Variants in TNC observed in about 807,000 individuals in gnomAD.
TNC encodes tenascin.
TNC carries 109 observed loss-of-function variants against 202.4 expected under a neutral mutation model. That is an observed-to-expected ratio of 0.54 (90% CI 0.46 to 0.63). The LOEUF (loss-of-function observed/expected upper bound fraction) is 0.63, where lower values mean the gene tolerates loss of function less well. TNC is among the 30% of genes least tolerant of loss of function. The probability of loss-of-function intolerance (pLI) is 0.00; values close to 1 mark genes in which losing one functional copy is unlikely to be tolerated. For missense variants in TNC, 2,756 were observed against 2,833.3 expected (o/e 0.97, Z 0.62); for synonymous variants, 1,007 against 1,089.7 (o/e 0.92, Z 1.50).
At chr9:115,092,914 A>G (rs921663597) in intron 1 of TNC, among the ~76,000 whole-genome samples, 2 of 152,060 alleles carry the variant, frequency 1.3e-5, no homozygotes, top group African/African-American at 4.8e-5. Context: ...TGTCATTTAC[A>G]AATTGACATT....
At chr9:115,085,842 T>C (rs1588160445) in intron 3 of TNC, 22 bp downstream of exon 3, 2 of 1,583,002 alleles carry the variant, frequency 1.3e-6, no homozygotes, top group Admixed American at 1.7e-5. Flanking sequence ...CATTATATGC[T>C]GGTCTGCGCC....
intron 1 of TNC, among the ~76,000 whole-genome samples, chr9:115,104,976 G>A (rs1836502547): frequency 6.6e-6 from 1 of 152,102 alleles, no homozygotes; most frequent in African/African-American, 2.4e-5. Flanking sequence ...CAAATATTTG[G>A]CATAGCAAAA....
intron 10 of TNC, among the ~76,000 whole-genome samples, chr9:115,066,561 C>T (rs1175899972): frequency 1.3e-5 from 2 of 152,236 alleles, no homozygotes; most frequent in South Asian, 2.1e-4. Context: ...GAACATTCTT[C>T]CTGCTTGTTT....
Position 115,029,473 on chromosome 9 carries a change from G to A in TNC, c.6073-17C>T. The A allele has an allele frequency of 6.2e-7, 1 of 1,611,950 alleles. No individual in the cohort carries two copies. Among genetic ancestry groups the A allele is most frequent in the Non-Finnish European group, 8.5e-7 (1 of 1,178,048 alleles). On this transcript the variant is annotated splice_polypyrimidine_tract_variant and intron_variant, in intron 24 of 27. Coordinates refer to ENST00000350763, the MANE Select transcript of TNC (RefSeq NM_002160.4). ...CAGGAACACCTATAAACATATCGAT[G>A]AATCTGGGTGTACTTAAGCTATTGC... is the stretch of plus-strand genomic sequence containing the variant.
In TNC at chr9:115,064,824, A is replaced by G. The variant is rs1392608696; in HGVS notation, c.3310T>C (p.Phe1104Leu). The G allele has an allele frequency of 1.9e-6, 3 of 1,614,194 alleles. No homozygotes were observed. The Admixed American group carries it at 5.0e-5, about 27-fold the overall frequency. The change falls in exon 11 of 28, where the codon TTT becomes CTT. Residue 1104 changes from phenylalanine to leucine, a missense_variant. Physicochemically the swap from Phe to Leu is conservative, Grantham distance 22 (BLOSUM62 0). Around this residue, in one of 2 missense-constraint regions of TNC, gnomAD observed 2,559 missense variants for 2,546.0 expected, o/e 1.01. Transcript: ENST00000350763. ...TTGGCCTCCTGCACCTGAATGATAA[A>G]GTGCTCATAGGCCTGGTCAGCTGCG... Reference protein sequence around the residue: ...WTAADQAYEHFIIQVQEANKV... With the variant: ...WTAADQAYEHLIIQVQEANKV...
At chr9:115,022,888 C>A (rs1046138832) in intron 27 of TNC, among the ~76,000 whole-genome samples, 1 of 152,108 alleles carries the variant, frequency 6.6e-6, no homozygotes, top group Admixed American at 6.5e-5. Context: ...GTGTCATTTG[C>A]TAGCAGTTAA....
At chr9:115,102,251 C>T (rs1836292755) in intron 1 of TNC, among the ~76,000 whole-genome samples, 1 of 152,158 alleles carries the variant, frequency 6.6e-6, no homozygotes, top group Non-Finnish European at 1.5e-5. Context: ...AGCAAAGGAG[C>T]TATGAGTCAA....
In TNC at chr9:115,086,849, G is replaced by A. The variant is rs1345734140; in HGVS notation, c.882C>T (p.Cys294=). 1.2e-6 allele frequency: 2 copies of A among 1,614,004 alleles called. No homozygotes were observed. Among genetic ancestry groups the A allele is most frequent in the Non-Finnish European group, 1.7e-6 (2 of 1,180,058 alleles). Residue 294 remains cysteine (C), a synonymous_variant, in exon 3 of 28, where the codon TGC becomes TGT. Transcript: ENST00000350763. ...CLNNCYNRGR[C]VENECVCDEG... is the part of the protein sequence containing the mutation. ...CATCACACACGCACTCATTCTCCAC[G>A]CATCGTCCACGGTTGTAGCAATTGT...
chr9:115,092,027 G>A (rs76812182), intron 1 of TNC, among the ~76,000 whole-genome samples: 4,930 of 152,228 alleles, frequency 0.032, 261 homozygotes, highest in African/African-American at 0.11. Context: ...ATAAATATAA[G>A]ACCAAGTGTA....
intron 6 of TNC, among the ~76,000 whole-genome samples, chr9:115,080,336 T>C (rs1202675635): frequency 6.6e-6 from 1 of 152,142 alleles, no homozygotes; most frequent in Non-Finnish European, 1.5e-5. Context: ...TTTTTTCCTG[T>C]TGGTACCTGC....
At chr9:115,060,070 G>A in intron 13 of TNC, 68 bp from the exon 14 acceptor site, 2 of 1,445,516 alleles carry the variant, frequency 1.4e-6, no homozygotes, top group Non-Finnish European at 1.9e-6. Flanking sequence ...ACATCCCACA[G>A]CCCAACTCTA....
intron 2 of TNC, among the ~76,000 whole-genome samples, chr9:115,087,863 G>A (rs1345845380): frequency 3.3e-5 from 5 of 151,932 alleles, no homozygotes; most frequent in South Asian, 4.2e-4. Context: ...CACCATGCCC[G>A]GCTAATTTTT....
intron 1 of TNC, among the ~76,000 whole-genome samples, chr9:115,097,117 G>A (rs917419867): frequency 7.2e-5 from 11 of 152,188 alleles, no homozygotes; most frequent in Non-Finnish European, 1.0e-4. Context: ...AAGCAGTTGC[G>A]TGTGGGGGAA....
chr9:115,023,334 G>C (rs1274932673), intron 27 of TNC, among the ~76,000 whole-genome samples: 1 of 152,230 alleles, frequency 6.6e-6, no homozygotes, highest in Non-Finnish European at 1.5e-5. Context: ...GAATGTGCCA[G>C]TGTAGGCAAG....
At chr9:115,077,630 T>C (rs1363221202) in intron 7 of TNC, among the ~76,000 whole-genome samples, 1 of 152,264 alleles carries the variant, frequency 6.6e-6, no homozygotes, top group African/African-American at 2.4e-5. Flanking sequence ...ATATATGTTT[T>C]CCATATACCA....
rs374331807 is a variant in TNC at position 115,084,302 on chromosome 9, G to A, written c.2038C>T (p.Gln680Ter). ...TACTCCACACCAGGCTCCAGCTCCTGGATGATGGTGGACGTCTGGTCCCCA... is the reference window on the plus strand; with the variant it reads ...TACTCCACACCAGGCTCCAGCTCCTAGATGATGGTGGACGTCTGGTCCCCA... ...VPGDQTSTII[Q>*]ELEPGVEYFI... The change falls in exon 4 of 28, where the codon CAG becomes TAG. Residue 680 changes from glutamine (Q) to a stop codon, truncating the protein, a stop_gained. Transcript: ENST00000350763. LOFTEE classifies it high-confidence loss of function. 23 of 1,613,964 alleles carry A rather than the reference G, an allele frequency of 1.4e-5. No individual in the cohort carries two copies. The highest frequency in any genetic ancestry group is 1.7e-5 in the Non-Finnish European group (20 of 1,180,000).
intron 15 of TNC, among the ~76,000 whole-genome samples, chr9:115,054,883 G>A (rs911177415): frequency 3.3e-5 from 5 of 152,206 alleles, no homozygotes; most frequent in Non-Finnish European, 5.9e-5. Flanking sequence ...GTGACAAAAT[G>A]TGCTTGACAA....
chr9:115,061,000 A>G (rs1832501577), intron 13 of TNC, among the ~76,000 whole-genome samples: 1 of 152,142 alleles, frequency 6.6e-6, no homozygotes, highest in Non-Finnish European at 1.5e-5. Context: ...AATTTAACGT[A>G]GTTGTTATTG....
intron 27 of TNC, among the ~76,000 whole-genome samples, chr9:115,023,676 A>G (rs1050359041): frequency 2.0e-5 from 3 of 152,350 alleles, no homozygotes; most frequent in East Asian, 1.9e-4. Context: ...CTCCACTTTT[A>G]TCTGCTTTAC....
Sources: allele counts gnomAD v4.1 joint callset (sites outside exome capture counted in the v4.1 genomes callset), GRCh38; gene constraint gnomAD v4.1.1; regional missense constraint gnomAD v4.1.1; transcripts MANE v1.5; gene names NCBI Gene and HGNC (gene_info 2026-07-23, HGNC 2026-07-21).